Variants in SH3RF3 observed in about 807,000 individuals in gnomAD.
SH3RF3 encodes the protein SH3 domain containing ring finger 3, also known as E3 ubiquitin-protein ligase SH3RF3.
A neutral mutation model predicts 66.3 loss-of-function variants in SH3RF3; 29 were observed. The observed-to-expected ratio is 0.44, with a 90% confidence interval of 0.33 to 0.60. The LOEUF is 0.60. Among genes scored for constraint, SH3RF3 ranks in the 20% least tolerant of loss-of-function variants. The pLI is 0.04. For missense variants in SH3RF3, 1,194 were observed against 1,190.9 expected (o/e 1.00, Z -0.04); for synonymous variants, 583 against 532.0 (o/e 1.10, Z -1.32).
chr2:109,436,755 G>A, intron 6 of SH3RF3, 138 bp from the exon 7 acceptor site: 1 of 1,362,032 alleles, frequency 7.3e-7, no homozygotes, highest in Non-Finnish European at 9.8e-7. Flanking sequence ...GACGGGCATT[G>A]TTTTAGGACC....
chr2:109,269,528 C>T (rs1680579128), intron 1 of SH3RF3, among the ~76,000 whole-genome samples: 2 of 152,204 alleles, frequency 1.3e-5, no homozygotes, highest in South Asian at 4.1e-4. Flanking sequence ...TGCCTGTAAT[C>T]CCAGCACTTT....
chr2:109,136,487 T>G (rs114346844), intron 1 of SH3RF3, among the ~76,000 whole-genome samples: 1 of 152,156 alleles, frequency 6.6e-6, no homozygotes, highest in Non-Finnish European at 1.5e-5. Flanking sequence ...GCCTCCCTTT[T>G]CCCATTGAGT....
At chr2:109,146,776 C>T (rs1677108042) in intron 1 of SH3RF3, among the ~76,000 whole-genome samples, 1 of 132,106 alleles carries the variant, frequency 7.6e-6, no homozygotes, top group Admixed American at 8.0e-5. Context: ...TTGCGGATCT[C>T]TCCTTTCTTT....
chr2:109,441,608 G>A (rs1203864984), intron 7 of SH3RF3, among the ~76,000 whole-genome samples: 1 of 152,238 alleles, frequency 6.6e-6, no homozygotes, highest in African/African-American at 2.4e-5. Context: ...ATGTAGAGGA[G>A]AGAGGTAGGA....
intron 1 of SH3RF3, among the ~76,000 whole-genome samples, chr2:109,187,694 G>T (rs1424948969): frequency 6.6e-6 from 1 of 152,136 alleles, no homozygotes; most frequent in Admixed American, 6.5e-5. Context: ...TGTCACCCAA[G>T]GACTCATTTT....
intron 1 of SH3RF3, among the ~76,000 whole-genome samples, chr2:109,220,648 C>T (rs540702798): frequency 6.6e-6 from 1 of 152,108 alleles, no homozygotes; most frequent in South Asian, 2.1e-4. Flanking sequence ...TACAAATGGC[C>T]AGTAAGCACA....
intron 5 of SH3RF3, among the ~76,000 whole-genome samples, chr2:109,429,382 A>G (rs956487343): frequency 6.6e-6 from 1 of 152,154 alleles, no homozygotes; most frequent in Non-Finnish European, 1.5e-5. Flanking sequence ...CAGTTCCCCC[A>G]GCAACCTACA....
intron 1 of SH3RF3, among the ~76,000 whole-genome samples, chr2:109,159,917 A>G (rs533749962): frequency 6.6e-6 from 1 of 152,316 alleles, no homozygotes; most frequent in Non-Finnish European, 1.5e-5. Flanking sequence ...ATTCTACATT[A>G]TGGTGAGTTG....
intron 5 of SH3RF3, among the ~76,000 whole-genome samples, chr2:109,430,902 A>G (rs770070024): frequency 6.6e-6 from 1 of 152,204 alleles, no homozygotes; most frequent in African/African-American, 2.4e-5. Flanking sequence ...TGTCCCTAGG[A>G]GGAGGGCATG....
At position 109,412,056 on chromosome 2, in the gene SH3RF3, G is replaced by A. The variant is rs559842847; in HGVS notation, c.1300-7483G>A. Among the ~76,000 whole-genome samples, 184 of 152,260 alleles carry A rather than the reference G, an allele frequency of 1.2e-3. No homozygotes were observed. The Middle Eastern group carries it at 0.017, about 14-fold the overall frequency. On this transcript the variant is annotated intron_variant, in intron 4 of 9. Coordinates refer to ENST00000309415, the MANE Select transcript of SH3RF3 (RefSeq NM_001099289.3). ...TCAGGTTCCTTGGCTGAGCCCTCCC[G>A]AGCCTCCTGACACCGAGCCCTGTGG...
At chr2:109,277,950 G>A (rs1253226180) in intron 1 of SH3RF3, among the ~76,000 whole-genome samples, 2 of 149,762 alleles carry the variant, frequency 1.3e-5, no homozygotes, top group Admixed American at 1.4e-4. Context: ...TGAGGTGAGA[G>A]GATCAGTTGA....
chr2:109,340,444 C>T (rs545704087), intron 1 of SH3RF3, among the ~76,000 whole-genome samples: 3 of 152,316 alleles, frequency 2.0e-5, no homozygotes, highest in African/African-American at 7.2e-5. Context: ...AGAAGGTTTA[C>T]ACCCAAGGAC....
chr2:109,287,694 AG>A (rs1430851793), intron 1 of SH3RF3, among the ~76,000 whole-genome samples: 1 of 152,168 alleles, frequency 6.6e-6, no homozygotes, highest in Non-Finnish European at 1.5e-5. Context: ...ATCCTATCAG[AG>A]GCCTCAGATC....
chr2:109,207,145 G>GCT (rs1678859962), intron 1 of SH3RF3, among the ~76,000 whole-genome samples: 1 of 152,186 alleles, frequency 6.6e-6, no homozygotes, highest in Non-Finnish European at 1.5e-5. Flanking sequence ...AACTGGGGGT[G>GCT]AGGGTGCAAT....
chr2:109,297,094 G>C (rs1304963017), intron 1 of SH3RF3, among the ~76,000 whole-genome samples: 2 of 152,074 alleles, frequency 1.3e-5, no homozygotes, highest in Non-Finnish European at 2.9e-5. Context: ...GGGTGACCGG[G>C]ATGGGAAGCC....
At chr2:109,356,597 G>T (rs1232094750) in intron 2 of SH3RF3, among the ~76,000 whole-genome samples, 1 of 152,182 alleles carries the variant, frequency 6.6e-6, no homozygotes, top group African/African-American at 2.4e-5. Context: ...CTCAGCCAAA[G>T]GCCCATCCCA....
intron 1 of SH3RF3, among the ~76,000 whole-genome samples, chr2:109,295,390 C>T (rs558239801): frequency 2.0e-4 from 31 of 152,198 alleles, no homozygotes; most frequent in Non-Finnish European, 3.4e-4. Flanking sequence ...TAACCCAGGC[C>T]GCCTGGCTCT....
chr2:109,421,375 C>T (rs1397261945), intron 5 of SH3RF3, among the ~76,000 whole-genome samples: 1 of 152,252 alleles, frequency 6.6e-6, no homozygotes, highest in Non-Finnish European at 1.5e-5. Context: ...AAGGCCTCCC[C>T]TTCCTGGGTG....
At chr2:109,398,129 A>G (rs986412180) in intron 3 of SH3RF3, among the ~76,000 whole-genome samples, 1 of 152,166 alleles carries the variant, frequency 6.6e-6, no homozygotes, top group African/African-American at 2.4e-5. Flanking sequence ...AGTGCATTCC[A>G]GTCACATGCT....
Sources: allele counts gnomAD v4.1 joint callset (sites outside exome capture counted in the v4.1 genomes callset), GRCh38; gene constraint gnomAD v4.1.1; transcripts MANE v1.5; gene names NCBI Gene and HGNC (gene_info 2026-07-23, HGNC 2026-07-21).